The following ADGB variants were observed in gnomAD, a reference collection of about 807,000 sequenced individuals.
ADGB encodes the protein androglobin.
In ADGB, 172 loss-of-function variants were observed where a neutral mutation model predicts 210.5. That is an observed-to-expected ratio of 0.82 (90% CI 0.72 to 0.93). The LOEUF is 0.93. Ranked by LOEUF, ADGB falls within the 40% of genes least tolerant of loss-of-function variation. ADGB has a pLI of 0.00. For synonymous variants in ADGB, 658 were observed against 662.7 expected, an observed-to-expected ratio of 0.99 and a Z score of 0.11; for missense variants, 2,025 against 1,964.8, an observed-to-expected ratio of 1.03 and a Z score of -0.58.
intron 13 of ADGB, among the ~76,000 whole-genome samples, chr6:146,714,386 G>A (rs1242994941): frequency 6.6e-6 from 1 of 151,972 alleles, no homozygotes; most frequent in East Asian, 1.9e-4. Context: ...CACAGGGAAT[G>A]GTATATACTT....
intron 6 of ADGB, among the ~76,000 whole-genome samples, chr6:146,664,631 T>C (rs1199121440): frequency 1.3e-5 from 2 of 152,130 alleles, no homozygotes; most frequent in African/African-American, 4.8e-5. Flanking sequence ...TTTTGTTTAA[T>C]AGGAGAAAAA....
At chr6:146,684,372 C>A (rs1467003656) in intron 9 of ADGB, among the ~76,000 whole-genome samples, 4 of 151,982 alleles carry the variant, frequency 2.6e-5, no homozygotes, top group African/African-American at 4.8e-5. Context: ...TCAGCTGACA[C>A]CTAAAGGCAT....
chr6:146,633,076 G>A (rs1781086736), intron 1 of ADGB, among the ~76,000 whole-genome samples: 1 of 151,962 alleles, frequency 6.6e-6, no homozygotes, highest in Non-Finnish European at 1.5e-5. Flanking sequence ...GTATCCTCAA[G>A]GCTGTATTTT....
chr6:146,605,213 G>A (rs900040523), intron 1 of ADGB, among the ~76,000 whole-genome samples: 34 of 152,310 alleles, frequency 2.2e-4, no homozygotes, highest in African/African-American at 7.2e-4. Flanking sequence ...AAGGTAGCAA[G>A]AAATAGTGAT....
At chr6:146,602,192 A>C (rs1157454319) in intron 1 of ADGB, among the ~76,000 whole-genome samples, 2 of 152,148 alleles carry the variant, frequency 1.3e-5, no homozygotes, top group African/African-American at 4.8e-5. Flanking sequence ...TTTTTTGACA[A>C]CGGACAAGTC....
chr6:146,611,571 TC>T (rs909371077), intron 1 of ADGB, among the ~76,000 whole-genome samples: 3 of 152,116 alleles, frequency 2.0e-5, no homozygotes, highest in African/African-American at 7.2e-5. Flanking sequence ...TCTCACTGCT[TC>T]CCCCAGTAGC....
At chr6:146,739,051 A>G (rs930080499) in intron 23 of ADGB, among the ~76,000 whole-genome samples, 13 of 152,196 alleles carry the variant, frequency 8.5e-5, no homozygotes, top group African/African-American at 3.1e-4. Context: ...ATAGCTCATC[A>G]GGATTTTGAT....
At chr6:146,644,737 G>T in intron 2 of ADGB, 36 bp from the exon 3 acceptor site, 2 of 1,182,720 alleles carry the variant, frequency 1.7e-6, no homozygotes, top group Non-Finnish European at 2.3e-6. Context: ...TTTAATAAAA[G>T]AATATGCAGA....
intron 1 of ADGB, among the ~76,000 whole-genome samples, chr6:146,619,268 G>A (rs1780849982): frequency 6.6e-6 from 1 of 151,856 alleles, no homozygotes; most frequent in Admixed American, 6.6e-5. Flanking sequence ...GTCCTTATGG[G>A]CAAAGTGAGT....
At chr6:146,690,520 A>G (rs1271891988) in intron 10 of ADGB, among the ~76,000 whole-genome samples, 1 of 152,110 alleles carries the variant, frequency 6.6e-6, no homozygotes, top group Non-Finnish European at 1.5e-5. Flanking sequence ...CTTAGCTGTT[A>G]TTCTGAATTA....
In ADGB at chr6:146,691,203, C is replaced by A; in HGVS notation, c.1399C>A (p.Leu467Met). ...VLVTRSRSCP[L>M]VAPPKPPPLP... is the part of the protein sequence containing the mutation. ...GGTGACTAGAAGTAGGTCTTGTCCT[C>A]TGGTAGCACCACCAAAACCACCTCC... Residue 467 changes from leucine to methionine, a missense_variant, in exon 11 of 36, where the codon CTG becomes ATG. Transcript: ENST00000397944. The A allele has an allele frequency of 6.5e-7, 1 of 1,549,696 alleles. No homozygotes were observed. Among genetic ancestry groups the A allele is most frequent in the Non-Finnish European group, 8.7e-7 (1 of 1,146,460 alleles).
At chr6:146,786,253 C>T (rs894690084) in intron 32 of ADGB, among the ~76,000 whole-genome samples, 4 of 149,722 alleles carry the variant, frequency 2.7e-5, no homozygotes, top group Admixed American at 2.0e-4. Context: ...AGGACACAGG[C>T]ACCAGAGACC....
At chr6:146,623,944 T>C (rs1780936589) in intron 1 of ADGB, among the ~76,000 whole-genome samples, 1 of 151,976 alleles carries the variant, frequency 6.6e-6, no homozygotes, top group South Asian at 2.1e-4. Flanking sequence ...TGTATTTTAA[T>C]ACACATATTG....
At chr6:146,810,245 A>AAAC (rs1778284648) in intron 35 of ADGB, among the ~76,000 whole-genome samples, 1 of 152,204 alleles carries the variant, frequency 6.6e-6, no homozygotes, top group African/African-American at 2.4e-5. Flanking sequence ...ATGCAAATCA[A>AAAC]AACAATGACA....
chr6:146,739,287 G>C (rs1002784681), intron 23 of ADGB, among the ~76,000 whole-genome samples: 2 of 152,106 alleles, frequency 1.3e-5, no homozygotes, highest in Non-Finnish European at 2.9e-5. Flanking sequence ...GCACTTTATA[G>C]CTCCTACTTA....
chr6:146,779,062 G>GA (rs376129193), intron 29 of ADGB, among the ~76,000 whole-genome samples: 39,053 of 125,060 alleles, frequency 0.31, 5,452 homozygotes, highest in Middle Eastern at 0.43. Context: ...AGTAGCTTTG[G>GA]AAAAAAAAAA....
intron 13 of ADGB, 91 bp from the exon 14 acceptor site, chr6:146,715,291 A>C: frequency 8.9e-7 from 1 of 1,124,398 alleles, no homozygotes; most frequent in Non-Finnish European, 1.3e-6. Context: ...TCAAAGTTTA[A>C]AAAAACTATA....
At chr6:146,763,845 G>A in intron 27 of ADGB, 56 bp from the exon 28 acceptor site, 1 of 1,416,802 alleles carries the variant, frequency 7.1e-7, no homozygotes, top group Non-Finnish European at 9.5e-7. Flanking sequence ...GATTTAGTCA[G>A]TAATAACTAT....
intron 33 of ADGB, among the ~76,000 whole-genome samples, chr6:146,792,894 TG>T (rs577857331): frequency 7.5e-4 from 114 of 152,310 alleles, no homozygotes; most frequent in African/African-American, 2.7e-3. Flanking sequence ...AGTGGGTTCC[TG>T]GTCTCGCTGA....
Sources: gnomAD v4.1 joint callset for allele counts (sites outside exome capture counted in the v4.1 genomes callset) on GRCh38, gnomAD v4.1.1 for gene constraint, MANE v1.5 for transcripts, NCBI Gene and HGNC (gene_info 2026-07-23, HGNC 2026-07-21) for gene names.